The following ASPH variants were observed in gnomAD, a reference collection of about 807,000 sequenced individuals.
The protein encoded by ASPH is aspartyl/asparaginyl beta-hydroxylase.
Under a neutral mutation model 118.4 loss-of-function variants are expected in ASPH, and 100 were observed. The ratio of observed to expected loss-of-function variants is 0.84; its 90% CI spans 0.72 to 1.00. ASPH has a LOEUF of 1.00. Among genes scored for constraint, ASPH ranks in the 50% least tolerant of loss-of-function variants. The pLI, the probability that ASPH is intolerant of heterozygous loss-of-function variation, is 0.00. For synonymous variants in ASPH, 315 were observed against 325.6 expected, an observed-to-expected ratio of 0.97 and a Z score of 0.35; for missense variants, 920 against 919.5, an observed-to-expected ratio of 1.00 and a Z score of -0.01.
chr8:61,592,765 G>A (rs897290444), intron 14 of ASPH, among the ~76,000 whole-genome samples: 4 of 152,134 alleles, frequency 2.6e-5, no homozygotes, highest in African/African-American at 9.7e-5. Context: ...TAGGACCCCT[G>A]CTTATTTTAA....
chr8:61,623,756 C>T (rs1182546469), intron 13 of ASPH: 4 of 152,060 alleles, frequency 2.6e-5, no homozygotes, highest in Non-Finnish European at 5.9e-5. Context: ...AATAGCTAAG[C>T]TTTGGAATCA....
At chr8:61,613,314 G>A (rs773763231) in intron 14 of ASPH, among the ~76,000 whole-genome samples, 4 of 152,202 alleles carry the variant, frequency 2.6e-5, no homozygotes, top group Non-Finnish European at 5.9e-5. Flanking sequence ...CCAGACTCAA[G>A]CTGCAACATT....
At chr8:61,592,844 A>G (rs910369014) in intron 14 of ASPH, among the ~76,000 whole-genome samples, 3 of 152,232 alleles carry the variant, frequency 2.0e-5, no homozygotes, top group African/African-American at 7.2e-5. Context: ...TTTCAATAAA[A>G]GAAACATCAC....
intron 3 of ASPH, among the ~76,000 whole-genome samples, chr8:61,669,543 T>C (rs531018186): frequency 6.6e-6 from 1 of 152,326 alleles, no homozygotes; most frequent in South Asian, 2.1e-4. Flanking sequence ...AAACAGTGTA[T>C]AACCCAGCAA....
chr8:61,529,061 C>T (rs1427596422), intron 21 of ASPH, among the ~76,000 whole-genome samples: 2 of 152,134 alleles, frequency 1.3e-5, no homozygotes, highest in Non-Finnish European at 2.9e-5. Flanking sequence ...GTTAATCTAG[C>T]TGAAATTTCT....
rs1807612712 is a variant in ASPH at position 61,645,759 on chromosome 8, T to C, written c.619+991A>G. On this transcript the variant is annotated intron_variant, in intron 6 of 24. Coordinates refer to ENST00000379454, the MANE Select transcript of ASPH (RefSeq NM_004318.4). Reference sequence around the variant, plus strand: ...AAAGTGCATTTCCTGTTCTAAACAATAGGCATGGATATAAGTTTTTGGAAA... The same window carrying C: ...AAAGTGCATTTCCTGTTCTAAACAACAGGCATGGATATAAGTTTTTGGAAA... 2.0e-5 allele frequency among the ~76,000 whole-genome samples: 3 copies of C among 152,216 alleles called. 1 individual carries two copies. The highest frequency in any genetic ancestry group is 4.1e-4 in the South Asian group (2 of 4,830).
At chr8:61,595,227 G>A (rs997079848) in intron 14 of ASPH, among the ~76,000 whole-genome samples, 15 of 152,168 alleles carry the variant, frequency 9.9e-5, no homozygotes, top group African/African-American at 3.6e-4. Flanking sequence ...ATGACAGGAT[G>A]ACCACAAACT....
chr8:61,548,973 T>C (rs564453046), intron 20 of ASPH, among the ~76,000 whole-genome samples: 2 of 152,316 alleles, frequency 1.3e-5, no homozygotes, highest in South Asian at 2.1e-4. Context: ...GCCCTCACCA[T>C]ATGCTCTCCA....
chr8:61,645,100 C>A (rs1219530338), intron 6 of ASPH, among the ~76,000 whole-genome samples: 1 of 152,154 alleles, frequency 6.6e-6, no homozygotes, highest in African/African-American at 2.4e-5. Flanking sequence ...AACCCATACA[C>A]CCCAGATAGC....
intron 3 of ASPH, chr8:61,675,749 TAA>T: frequency 9.1e-7 from 1 of 1,095,388 alleles, no homozygotes; most frequent in Non-Finnish European, 1.1e-6. Context: ...AATTTGCTGT[TAA>T]GTGTCCAAAT....
intron 22 of ASPH, among the ~76,000 whole-genome samples, chr8:61,525,090 T>C (rs1348786067): frequency 2.6e-5 from 4 of 152,206 alleles, no homozygotes; most frequent in East Asian, 1.9e-4. Flanking sequence ...TATTCTTACA[T>C]AGAAACCATT....
chr8:61,638,499 T>G (rs1858926893), intron 10 of ASPH, 136 bp from the exon 11 acceptor site: 1 of 739,610 alleles, frequency 1.4e-6, no homozygotes, highest in Non-Finnish European at 2.2e-6. Context: ...AACAGCCGAC[T>G]AGAGAGTAGG....
intron 14 of ASPH, among the ~76,000 whole-genome samples, chr8:61,585,751 G>A (rs888587320): frequency 7.2e-5 from 11 of 152,066 alleles, no homozygotes; most frequent in East Asian, 1.9e-4. Context: ...CACCCACCAC[G>A]TGGGCAGAAG....
At chr8:61,648,838 A>C (rs1413708524) in intron 5 of ASPH, among the ~76,000 whole-genome samples, 1 of 151,606 alleles carries the variant, frequency 6.6e-6, no homozygotes, top group Non-Finnish European at 1.5e-5. Flanking sequence ...CAGATACAGG[A>C]CCTGAATCCA....
chr8:61,553,973 C>T (rs1563797045), intron 19 of ASPH, among the ~76,000 whole-genome samples: 3 of 152,314 alleles, frequency 2.0e-5, no homozygotes, highest in East Asian at 1.9e-4. Flanking sequence ...ATGGGAAAGG[C>T]ATCATCACTC....
At chr8:61,641,984 T>C (rs967028323) in intron 10 of ASPH, among the ~76,000 whole-genome samples, 6 of 152,252 alleles carry the variant, frequency 3.9e-5, no homozygotes, top group African/African-American at 1.2e-4. Context: ...CTTGGGCAGC[T>C]TATTTATAAT....
intron 14 of ASPH, among the ~76,000 whole-genome samples, chr8:61,589,529 G>C (rs796646785): frequency 6.6e-6 from 1 of 152,154 alleles, no homozygotes; most frequent in African/African-American, 2.4e-5. Context: ...AATGACATTG[G>C]AATATTTTTG....
rs543087709 is a variant in ASPH, at chr8:61,545,817, T to A, written c.1764+2254A>T. On this transcript the variant is annotated intron_variant, in intron 21 of 24. Transcript: ENST00000379454. ...ACTAATCCTTTTCTGGCTGTAGGGTTTGATCTGTTGGTTTAAGAATAATCT... is the reference window on the plus strand; with the variant it reads ...ACTAATCCTTTTCTGGCTGTAGGGTATGATCTGTTGGTTTAAGAATAATCT... Among the ~76,000 whole-genome samples, 3 of 152,306 alleles carry A rather than the reference T, an allele frequency of 2.0e-5. No individual in the cohort carries two copies. In the South Asian group the frequency reaches 6.2e-4, roughly 32 times the overall value.
intron 21 of ASPH, among the ~76,000 whole-genome samples, chr8:61,529,363 T>A (rs935579887): frequency 2.6e-5 from 4 of 152,314 alleles, no homozygotes; most frequent in South Asian, 4.1e-4. Context: ...GAGAGCAACA[T>A]GCTCCCTGGT....
Sources: gnomAD v4.1 joint callset for allele counts (sites outside exome capture counted in the v4.1 genomes callset) on GRCh38, gnomAD v4.1.1 for gene constraint, MANE v1.5 for transcripts, NCBI Gene and HGNC (gene_info 2026-07-23, HGNC 2026-07-21) for gene names.